HAS3: variants seen among roughly 807,000 people sequenced by gnomAD.
HAS3 encodes the protein hyaluronan synthase 3.
HAS3 carries 27 observed loss-of-function variants against 50.3 expected under a neutral mutation model. The observed-to-expected ratio is 0.54, with a 90% CI of 0.40 to 0.74. The LOEUF is 0.74. HAS3 is among the 30% of genes least tolerant of loss of function. The probability of loss-of-function intolerance (pLI) is 0.00; values close to 1 mark genes in which losing one functional copy is unlikely to be tolerated. For missense variants in HAS3, 517 were observed against 742.8 expected (o/e 0.70, Z 3.53); for synonymous variants, 339 against 310.9 (o/e 1.09, Z -0.95).
the HAS3 span, among the ~76,000 whole-genome samples, chr16:69,099,962 C>T: frequency 6.6e-6 from 1 of 152,104 alleles, no homozygotes; most frequent in Non-Finnish European, 1.5e-5. Flanking sequence ...CCCTCCTAAT[C>T]CTGACCTTCA....
chr16:69,112,613 A>C (rs1231192683), intron 2 of HAS3, among the ~76,000 whole-genome samples: 1 of 152,244 alleles, frequency 6.6e-6, no homozygotes, highest in Non-Finnish European at 1.5e-5. Flanking sequence ...AGAGTAAATC[A>C]GGTCTGTAAA....
the HAS3 span, among the ~76,000 whole-genome samples, chr16:69,085,403 C>A: frequency 6.6e-6 from 1 of 152,084 alleles, no homozygotes; most frequent in Admixed American, 6.6e-5. Context: ...TTAATTTGAA[C>A]TATTTGGCAA....
In HAS3 at chr16:69,107,526, A is replaced by G; in HGVS notation, c.-1+1739A>G. 1 of 985,366 alleles carries G rather than the reference A, an allele frequency of 1.0e-6. No homozygotes were observed. The highest frequency in any genetic ancestry group is 1.2e-6 in the Non-Finnish European group (1 of 830,004). 61.0% of individuals were successfully genotyped at this position (985,366 alleles called of 1,614,324 possible). A position where few individuals can be genotyped will look rare whatever the true frequency, so the allele number is the denominator to read the frequency against. On this transcript the variant is annotated intron_variant, in intron 1 of 3. Transcript: ENST00000569188. The surrounding 1 kb of genome is among the most constrained non-coding windows in gnomAD (Gnocchi z 5.5). ...GCCAAGAGGCGAGGCTCGAGCGGGG[A>G]TGAGAAGCGTGGCGAGTGCGTTCGC...
At chr16:69,118,136 CTAATTCCCATATT>C, downstream of HAS3, 1 of 374,602 alleles carries the variant, frequency 2.7e-6, no homozygotes, top group Non-Finnish European at 5.0e-6. Context: ...CACCCCCACC[CTAATTCCCATATT>C]CCCATCCACA....
Position 69,110,102 on chromosome 16 carries a change from G to T in HAS3, c.636+71G>T, listed in dbSNP as rs1289413013. 5 of 1,442,352 alleles carry T rather than the reference G, an allele frequency of 3.5e-6. No individual in the cohort carries two copies. In the East Asian group the frequency reaches 1.1e-4, roughly 33 times the overall value. 89.3% of individuals were successfully genotyped at this position (1,442,352 alleles called of 1,614,324 possible). ...GACAGCCTGGCAAACTCTCCGCCAA[G>T]AATCTGAGGTCTGGTCTAGGTCCCT... On this transcript the variant is annotated intron_variant, in intron 2 of 3. Coordinates refer to ENST00000569188, the MANE Select transcript of HAS3 (RefSeq NM_001199280.2).
upstream of HAS3, among the ~76,000 whole-genome samples, chr16:69,101,976 G>A (rs994944722): frequency 6.6e-6 from 1 of 152,132 alleles, no homozygotes; most frequent in Non-Finnish European, 1.5e-5. Context: ...AGCGGAGACA[G>A]GGTTTCACCA....
At chr16:69,090,883 T>C in the HAS3 span, among the ~76,000 whole-genome samples, 1 of 152,138 alleles carries the variant, frequency 6.6e-6, no homozygotes, top group Non-Finnish European at 1.5e-5. Flanking sequence ...CGATACATAT[T>C]AATTCCCTTG....
Position 69,109,687 on chromosome 16 carries a change from C to G in HAS3, c.292C>G (p.Pro98Ala), listed in dbSNP as rs1438040702. 1 of 1,610,366 alleles carries G rather than the reference C, an allele frequency of 6.2e-7. No individual in the cohort carries two copies. The highest frequency in any genetic ancestry group is 1.3e-5 in the African/African-American group (1 of 75,072). Residue 98 changes from proline to alanine, a missense_variant, in exon 2 of 4, where the codon CCT becomes GCT. Transcript: ENST00000569188. The surrounding 1 kb of genome is among the most constrained non-coding windows in gnomAD (Gnocchi z 5.3). ...ALCIAAYQED[P>A]DYLRKCLRSA... ...GTGCATTGCCGCATACCAGGAGGACCCTGACTACTTGCGCAAGTGCCTGCG... is the reference window on the plus strand; with the variant it reads ...GTGCATTGCCGCATACCAGGAGGACGCTGACTACTTGCGCAAGTGCCTGCG...
intron 2 of HAS3, 112 bp downstream of exon 2, chr16:69,110,143 C>A: frequency 9.3e-7 from 1 of 1,070,270 alleles, no homozygotes; most frequent in South Asian, 1.6e-5. Flanking sequence ...TGTGCACACA[C>A]CTGTGCACTT....
chr16:69,097,486 T>C, the HAS3 span, among the ~76,000 whole-genome samples: 1 of 151,908 alleles, frequency 6.6e-6, no homozygotes, highest in African/African-American at 2.4e-5. Flanking sequence ...GGAACAAGCT[T>C]ACCTTAAGTG....
intron 1 of HAS3, among the ~76,000 whole-genome samples, chr16:69,108,566 G>A (rs1033503978): frequency 1.3e-5 from 2 of 152,134 alleles, no homozygotes; most frequent in South Asian, 2.1e-4. Flanking sequence ...CATGCTGCAC[G>A]GGCACTAGGA....
At chr16:69,105,003 T>TTTTTTG (rs1567576998), upstream of HAS3, among the ~76,000 whole-genome samples, 2 of 74,040 alleles carry the variant, frequency 2.7e-5, no homozygotes, top group East Asian at 6.3e-4. Flanking sequence ...TTTTTTTTTT[T>TTTTTTG]TTTTTTTTTT....
At chr16:69,117,783 T>A, downstream of HAS3, 1 of 255,980 alleles carries the variant, frequency 3.9e-6, no homozygotes, top group Non-Finnish European at 6.2e-6. Context: ...TCCATCCTGG[T>A]AACTACACCC....
the HAS3 span, among the ~76,000 whole-genome samples, chr16:69,090,591 G>A: frequency 4.6e-5 from 7 of 151,202 alleles, no homozygotes; most frequent in Non-Finnish European, 2.9e-5. Flanking sequence ...TTTTTTAGAC[G>A]GAGTCTTGCT....
downstream of HAS3, chr16:69,118,066 CACCA>C (rs767806629): frequency 6.3e-5 from 30 of 478,274 alleles, no homozygotes; most frequent in Non-Finnish European, 1.0e-4. Flanking sequence ...GCAGGAAAAC[CACCA>C]ACCATCCTTG....
Position 69,116,322 on chromosome 16 carries a change from G to A in HAS3, c.*1056G>A, listed in dbSNP as rs1961180237. 4.1e-6 allele frequency: 4 copies of A among 985,866 alleles called. No individual in the cohort carries two copies. Among genetic ancestry groups the A allele is most frequent in the Non-Finnish European group, 4.8e-6 (4 of 829,942 alleles). 61.1% of individuals were successfully genotyped at this position (985,866 alleles called of 1,614,324 possible). A position where few individuals can be genotyped will look rare whatever the true frequency, so the allele number is the denominator to read the frequency against. ...GCTCTTATAGAAGCTTCAGCAGGAG[G>A]CAAGCGTGTTCTCAGCACATATGGG... On this transcript the variant is annotated 3_prime_UTR_variant, in exon 4 of 4. Transcript: ENST00000569188.
Position 69,117,059 on chromosome 16 carries a change from T to TAAGA in HAS3, c.*1794_*1797dup, listed in dbSNP as rs1961215868. ...CATCACACAGACCTCGAGTTTCTGG[T>TAAGA]AAGACTGCTGGTTGACATCAGACCC... is the stretch of plus-strand genomic sequence containing the variant. On this transcript the variant is annotated 3_prime_UTR_variant, in exon 4 of 4. Transcript: ENST00000569188. 1 of 985,576 alleles carries TAAGA rather than the reference T, an allele frequency of 1.0e-6. No homozygotes were observed. The allele number at this position is 985,576 out of a possible 1,614,324, so 61.1% of individuals were successfully genotyped here.
chr16:69,097,038 G>C, the HAS3 span, among the ~76,000 whole-genome samples: 1 of 152,114 alleles, frequency 6.6e-6, no homozygotes, highest in Non-Finnish European at 1.5e-5. Context: ...CGTGGTCCCA[G>C]CTATTTAGGA....
upstream of HAS3, among the ~76,000 whole-genome samples, chr16:69,103,436 C>G (rs1332597188): frequency 6.6e-6 from 1 of 152,126 alleles, no homozygotes; most frequent in Non-Finnish European, 1.5e-5. Flanking sequence ...CCTCTTGTTG[C>G]CTAGGCTGGA....
Sources: gnomAD v4.1 joint callset for allele counts (sites outside exome capture counted in the v4.1 genomes callset) on GRCh38, gnomAD v4.1.1 for gene constraint, Gnocchi (gnomAD v3.1) non-coding constraint, MANE v1.5 for transcripts, NCBI Gene and HGNC (gene_info 2026-07-23, HGNC 2026-07-21) for gene names.